The following FOXN3 variants were observed in gnomAD, a reference collection of about 807,000 sequenced individuals.
The protein encoded by FOXN3 is forkhead box protein N3.
Under a neutral mutation model 38.4 loss-of-function variants are expected in FOXN3, and 7 were observed. The ratio of observed to expected loss-of-function variants is 0.18; its 90% CI spans 0.10 to 0.34. The LOEUF (loss-of-function observed/expected upper bound fraction) is 0.34, where lower values mean the gene tolerates loss of function less well. Ranked by LOEUF, FOXN3 falls within the 10% of genes least tolerant of loss-of-function variation. FOXN3 has a pLI of 1.00. For missense variants in FOXN3, 456 were observed against 613.4 expected (o/e 0.74, Z 2.71); for synonymous variants, 230 against 242.2 (o/e 0.95, Z 0.47).
chr14:89,551,880 T>C (rs981559864), intron 1 of FOXN3, among the ~76,000 whole-genome samples: 5 of 152,124 alleles, frequency 3.3e-5, no homozygotes, highest in African/African-American at 9.7e-5. Context: ...CCCAGAGCTG[T>C]TTGGTCTGTT....
intron 1 of FOXN3, among the ~76,000 whole-genome samples, chr14:89,538,729 C>G (rs243220): frequency 0.8 from 122,076 of 151,686 alleles, 49,326 homozygotes; most frequent in Middle Eastern, 0.85. Flanking sequence ...TGTTGGTCAG[C>G]CTGGTTTCGA....
intron 1 of FOXN3, among the ~76,000 whole-genome samples, chr14:89,560,849 C>T (rs1414026865): frequency 6.6e-6 from 1 of 152,200 alleles, no homozygotes; most frequent in Non-Finnish European, 1.5e-5. Context: ...GCATTGGAAA[C>T]CAGGTCTCCC....
intron 3 of FOXN3, among the ~76,000 whole-genome samples, chr14:89,320,819 A>G (rs1887874118): frequency 6.6e-6 from 1 of 152,234 alleles, no homozygotes. Flanking sequence ...ATCAAAAGTG[A>G]AAAAAGCCTT....
intron 1 of FOXN3, among the ~76,000 whole-genome samples, chr14:89,496,864 T>C (rs746414885): frequency 3.9e-5 from 6 of 152,220 alleles, no homozygotes; most frequent in Non-Finnish European, 8.8e-5. Flanking sequence ...CTCATAAAAG[T>C]GGAACCACGG....
chr14:89,391,580 C>A (rs953983188), intron 2 of FOXN3, among the ~76,000 whole-genome samples: 1 of 152,170 alleles, frequency 6.6e-6, no homozygotes, highest in African/African-American at 2.4e-5. Flanking sequence ...AAATGTTGGG[C>A]AGGTATTGCA....
intron 1 of FOXN3, among the ~76,000 whole-genome samples, chr14:89,513,180 G>T (rs947099405): frequency 4.3e-5 from 6 of 139,912 alleles, no homozygotes; most frequent in African/African-American, 1.6e-4. Context: ...GAAAAAGAAA[G>T]AAAGAAACTA....
intron 1 of FOXN3, among the ~76,000 whole-genome samples, chr14:89,500,700 TA>T (rs1462214761): frequency 1.3e-5 from 2 of 152,196 alleles, no homozygotes; most frequent in Non-Finnish European, 2.9e-5. Context: ...GCAGGTATTG[TA>T]ACCAGCCTGG....
intron 4 of FOXN3, among the ~76,000 whole-genome samples, chr14:89,199,585 GA>G (rs1472000847): frequency 6.6e-6 from 1 of 152,118 alleles, no homozygotes; most frequent in African/African-American, 2.4e-5. Flanking sequence ...GACTCGGGGG[GA>G]AAGGGGAAAG....
chr14:89,244,724 C>G (rs1051087093), intron 4 of FOXN3, among the ~76,000 whole-genome samples: 3 of 152,172 alleles, frequency 2.0e-5, no homozygotes, highest in African/African-American at 7.2e-5. Flanking sequence ...AAGTTAAGAT[C>G]AGGGAATGTG....
At chr14:89,242,757 A>C (rs1338460476) in intron 4 of FOXN3, among the ~76,000 whole-genome samples, 2 of 152,216 alleles carry the variant, frequency 1.3e-5, no homozygotes, top group South Asian at 4.1e-4. Context: ...AGTGTATCCA[A>C]TCTAAATACT....
intron 1 of FOXN3, among the ~76,000 whole-genome samples, chr14:89,596,300 G>A (rs1461940840): frequency 6.6e-6 from 1 of 152,090 alleles, no homozygotes; most frequent in Non-Finnish European, 1.5e-5. Flanking sequence ...ACCAAGCCTA[G>A]CTCATTTTTG....
chr14:89,297,926 A>C (rs117071961), intron 3 of FOXN3, among the ~76,000 whole-genome samples: 2 of 152,204 alleles, frequency 1.3e-5, no homozygotes, highest in Non-Finnish European at 2.9e-5. Context: ...TCAAAGTTAC[A>C]GTGAGCTATA....
chr14:89,469,644 G>A (rs76518215), intron 1 of FOXN3, among the ~76,000 whole-genome samples: 2,557 of 152,272 alleles, frequency 0.017, 61 homozygotes, highest in African/African-American at 0.058. Context: ...TGCTTTGATC[G>A]CCCTCTGGGT....
Position 89,536,701 on chromosome 14 carries a change from C to T in FOXN3, c.-15+82327G>A, listed in dbSNP as rs778782988. ...GCTGAGGCAGGAGAATCGCTTGAACCTGGGAGACGGAGGTTGCAGTGAGCC... is the reference window on the plus strand; with the variant it reads ...GCTGAGGCAGGAGAATCGCTTGAACTTGGGAGACGGAGGTTGCAGTGAGCC... On this transcript the variant is annotated intron_variant, in intron 1 of 6. Transcript: ENST00000345097. Among the ~76,000 whole-genome samples the T allele has an allele frequency of 4.0e-4, 61 of 152,058 alleles. 1 individual carries two copies. Among genetic ancestry groups the T allele is most frequent in the Non-Finnish European group, 7.3e-4 (50 of 68,028 alleles).
intron 1 of FOXN3, among the ~76,000 whole-genome samples, chr14:89,546,329 C>CTTTTTTTTTCTTTTTTTTTTTTTT (rs1894880091): frequency 2.6e-5 from 2 of 78,326 alleles, no homozygotes; most frequent in East Asian, 3.7e-4. Flanking sequence ...TTTCCTTTTT[C>CTTTTTTTTTCTTTTTTTTTTTTTT]TTTTTTTTTT....
chr14:89,277,101 G>C (rs781749250), intron 4 of FOXN3, among the ~76,000 whole-genome samples: 1 of 152,156 alleles, frequency 6.6e-6, no homozygotes, highest in Admixed American at 6.5e-5. Context: ...AATGGAATAT[G>C]GGGGAGGGGG....
chr14:89,372,391 A>G (rs1479758982), intron 2 of FOXN3, among the ~76,000 whole-genome samples: 1 of 152,244 alleles, frequency 6.6e-6, no homozygotes, highest in African/African-American at 2.4e-5. Context: ...ATCAATGGTT[A>G]CTATTATGTT....
chr14:89,603,770 C>T (rs1487638924), intron 1 of FOXN3, among the ~76,000 whole-genome samples: 2 of 152,096 alleles, frequency 1.3e-5, no homozygotes, highest in Non-Finnish European at 2.9e-5. Flanking sequence ...TATTAGTTTT[C>T]ACCTTGAAGG....
chr14:89,321,404 C>T (rs956575040), intron 3 of FOXN3, among the ~76,000 whole-genome samples: 1 of 151,958 alleles, frequency 6.6e-6, no homozygotes, highest in Admixed American at 6.6e-5. Context: ...GGTGAAAACC[C>T]GTCTCTATTA....
Sources: allele counts gnomAD v4.1 joint callset (sites outside exome capture counted in the v4.1 genomes callset), GRCh38; gene constraint gnomAD v4.1.1; transcripts MANE v1.5; gene names NCBI Gene and HGNC (gene_info 2026-07-23, HGNC 2026-07-21).